RYR3: variants seen among roughly 807,000 people sequenced by gnomAD.
The protein encoded by RYR3 is ryanodine receptor 3.
Under a neutral mutation model 584.3 loss-of-function variants are expected in RYR3, and 207 were observed. The ratio of observed to expected loss-of-function variants is 0.35; its 90% confidence interval spans 0.32 to 0.40. The LOEUF (loss-of-function observed/expected upper bound fraction) is 0.40. Ranked by LOEUF, RYR3 falls within the 10% of genes least tolerant of loss-of-function variation. The pLI is 1.00. For missense variants in RYR3, 5,616 were observed against 6,089.2 expected (o/e 0.92, Z 2.59); for synonymous variants, 2,416 against 2,248.5 (o/e 1.07, Z -2.11).
chr15:33,653,869 G>A (rs751118399), intron 32 of RYR3, among the ~76,000 whole-genome samples: 14 of 152,204 alleles, frequency 9.2e-5, no homozygotes, highest in Non-Finnish European at 1.9e-4. Context: ...ACCTCTTGAA[G>A]TTTTATAATG....
chr15:33,838,309 G>A lies in RYR3; in HGVS notation c.12329G>A (p.Arg4110Lys). The A allele has an allele frequency of 6.2e-7, 1 of 1,614,006 alleles. No homozygotes were observed. The highest frequency in any genetic ancestry group is 8.5e-7 in the Non-Finnish European group (1 of 1,179,890). ...ATCTCTGAATCCGATTCAGCTGACA[G>A]GCCAGAAGAGGAGGAAGAAGATGAA... ...SQISESDSAD[R>K]PEEEEEDEDS... is the part of the protein sequence containing the mutation. The change falls in exon 89 of 104, where the codon AGG (arginine) becomes AAG (lysine). Residue 4110 changes from arginine (R) to lysine (K), a missense_variant. Physicochemically the swap from Arg to Lys is conservative, Grantham distance 26 (BLOSUM62 2). Around this residue, in one of 9 missense-constraint regions of RYR3, gnomAD observed 258 missense variants for 297.3 expected, o/e 0.87. Transcript: ENST00000634891.
At chr15:33,619,237 T>C (rs1884171961) in intron 19 of RYR3, among the ~76,000 whole-genome samples, 1 of 152,236 alleles carries the variant, frequency 6.6e-6, no homozygotes, top group Admixed American at 6.5e-5. Flanking sequence ...AATAGATTAA[T>C]GAATTTGATT....
chr15:33,699,671 C>G, intron 40 of RYR3, 33 bp from the exon 41 acceptor site: 1 of 1,603,400 alleles, frequency 6.2e-7, no homozygotes. Flanking sequence ...ATGATAGATT[C>G]TTTTGTCTGA....
intron 1 of RYR3, among the ~76,000 whole-genome samples, chr15:33,403,697 AAT>A (rs1289407228): frequency 2.6e-5 from 4 of 152,234 alleles, no homozygotes; most frequent in Non-Finnish European, 5.9e-5. Flanking sequence ...TTTTCAGTGA[AAT>A]AGTCATAATT....
chr15:33,740,026 T>C (rs2069918786), intron 51 of RYR3, 31 bp downstream of exon 51: 2 of 1,603,264 alleles, frequency 1.2e-6, no homozygotes, highest in East Asian at 2.2e-5. Flanking sequence ...GAGCTGGTGC[T>C]GTATTTTGTC....
At chr15:33,485,837 C>T (rs1340217683) in intron 2 of RYR3, among the ~76,000 whole-genome samples, 2 of 152,114 alleles carry the variant, frequency 1.3e-5, no homozygotes, top group African/African-American at 4.8e-5. Flanking sequence ...TGATAAACAA[C>T]AAAGGGGCAA....
At chr15:33,803,086 G>A (rs766602999) in intron 69 of RYR3, among the ~76,000 whole-genome samples, 2 of 152,176 alleles carry the variant, frequency 1.3e-5, no homozygotes, top group South Asian at 2.1e-4. Flanking sequence ...AGTCAGCTGC[G>A]ATCATTCTGA....
intron 18 of RYR3, among the ~76,000 whole-genome samples, chr15:33,612,774 T>C (rs1240819881): frequency 6.6e-6 from 1 of 152,206 alleles, no homozygotes; most frequent in Non-Finnish European, 1.5e-5. Flanking sequence ...GGAAGGTCTT[T>C]GGGCACTTAC....
At chr15:33,671,815 T>TTTC (rs2063862734) in intron 38 of RYR3, among the ~76,000 whole-genome samples, 1 of 137,962 alleles carries the variant, frequency 7.2e-6, no homozygotes, top group East Asian at 2.1e-4. Context: ...CTTTTTTTTT[T>TTTC]TTTTTTTTTT....
chr15:33,345,858 C>T (rs1972399201), intron 1 of RYR3, among the ~76,000 whole-genome samples: 1 of 152,198 alleles, frequency 6.6e-6, no homozygotes, highest in Admixed American at 6.5e-5. Context: ...CTTAATCATT[C>T]CATCCACCCA....
chr15:33,356,694 A>G (rs147726126), intron 1 of RYR3, among the ~76,000 whole-genome samples: 87 of 152,342 alleles, frequency 5.7e-4, no homozygotes, highest in Middle Eastern at 6.8e-3. Context: ...AAGTATAAGT[A>G]GATACTTGCA....
intron 62 of RYR3, 115 bp downstream of exon 62, chr15:33,769,287 G>A: frequency 1.2e-6 from 1 of 819,442 alleles, no homozygotes; most frequent in Non-Finnish European, 2.1e-6. Context: ...TGAGAAGAGA[G>A]GAGAGACAGG....
chr15:33,628,483 C>A lies in RYR3; in HGVS notation c.2587C>A (p.Pro863Thr). The change falls in exon 21 of 104, where the codon CCT (proline) becomes ACT (threonine). Residue 863 changes from proline to threonine, a missense_variant. Pro to Thr is a conservative substitution (Grantham distance 38). Around this residue, in one of 9 missense-constraint regions of RYR3, gnomAD observed 1,284 missense variants for 1,344.6 expected, o/e 0.95. Transcript: ENST00000634891. ...CCTTTTCCTTTAGGTTATTTTGCCA[C>A]CTCACCTAGAAAAGATCCGAGACAG... ...PVDTSQVILP[P>T]HLEKIRDRLA... 6.2e-7 allele frequency: 1 copy of A among 1,609,734 alleles called. No homozygotes were observed.
chr15:33,689,407 G>A (rs1348550881), intron 38 of RYR3, among the ~76,000 whole-genome samples: 1 of 151,712 alleles, frequency 6.6e-6, no homozygotes, highest in African/African-American at 2.4e-5. Context: ...TTCTCCCATG[G>A]ATACTATATA....
At chr15:33,702,682 G>T (rs1456627102) in intron 42 of RYR3, among the ~76,000 whole-genome samples, 1 of 152,086 alleles carries the variant, frequency 6.6e-6, no homozygotes, top group African/African-American at 2.4e-5. Context: ...ACAGAGGGTG[G>T]TTGAAGCGCT....
intron 69 of RYR3, among the ~76,000 whole-genome samples, chr15:33,805,316 C>T (rs1484624074): frequency 6.6e-6 from 1 of 152,084 alleles, no homozygotes; most frequent in East Asian, 1.9e-4. Context: ...GCCACTCCAC[C>T]CCATGAAGTG....
chr15:33,833,939 C>G (rs531936635), intron 86 of RYR3, among the ~76,000 whole-genome samples: 1 of 152,048 alleles, frequency 6.6e-6, no homozygotes, highest in Non-Finnish European at 1.5e-5. Flanking sequence ...AAAAAATAGA[C>G]TGTAAAGAAA....
At chr15:33,637,144 G>C (rs1197278534) in intron 27 of RYR3, among the ~76,000 whole-genome samples, 1 of 152,200 alleles carries the variant, frequency 6.6e-6, no homozygotes, top group Non-Finnish European at 1.5e-5. Flanking sequence ...AAAGGAGGAA[G>C]TGGAGCTTAT....
intron 31 of RYR3, among the ~76,000 whole-genome samples, chr15:33,652,314 CTT>C: frequency 6.6e-6 from 1 of 152,148 alleles, no homozygotes; most frequent in East Asian, 1.9e-4. Flanking sequence ...TGAACCCAGA[CTT>C]TTTTTCTGCC....
Sources: allele counts gnomAD v4.1 joint callset (sites outside exome capture counted in the v4.1 genomes callset), GRCh38; gene constraint gnomAD v4.1.1; regional missense constraint gnomAD v4.1.1; transcripts MANE v1.5; gene names NCBI Gene and HGNC (gene_info 2026-07-23, HGNC 2026-07-21).